Variants in MAU2 observed in about 807,000 individuals in gnomAD.
MAU2 encodes the protein MAU2 sister chromatid cohesion factor, also known as MAU2 chromatid cohesion factor homolog.
Under a neutral mutation model 89.1 loss-of-function variants are expected in MAU2, and 9 were observed. That is an observed-to-expected ratio of 0.10 (90% CI 0.06 to 0.18). The LOEUF (loss-of-function observed/expected upper bound fraction) is 0.18, where lower values mean the gene tolerates loss of function less well. Ranked by LOEUF, MAU2 falls within the 10% of genes least tolerant of loss-of-function variation. The pLI is 1.00. For missense variants in MAU2, 425 were observed against 803.5 expected, an observed-to-expected ratio of 0.53 and a Z score of 5.69; for synonymous variants, 357 against 343.4, an observed-to-expected ratio of 1.04 and a Z score of -0.44.
At chr19:19,346,728 A>G (rs888282805) in intron 12 of MAU2, 1 of 153,712 alleles carries the variant, frequency 6.5e-6, no homozygotes, top group African/African-American at 2.4e-5. Flanking sequence ...GAACGATCTC[A>G]TTTGCCAAGA....
intron 1 of MAU2, among the ~76,000 whole-genome samples, chr19:19,333,657 C>T (rs1413162150): frequency 2.0e-5 from 3 of 152,198 alleles, no homozygotes; most frequent in Admixed American, 6.5e-5. Context: ...TGTGGGCTGT[C>T]GTCAGCTCTG....
rs376584191 is a variant in MAU2 at position 19,328,939 on chromosome 19, T to C, written c.277-6779T>C. 383 of 417,824 alleles carry C rather than the reference T, an allele frequency of 9.2e-4. 4 individuals are homozygous for C. Among genetic ancestry groups the C allele is most frequent in the Middle Eastern group, 7.7e-3 (21 of 2,738 alleles). 25.9% of individuals were successfully genotyped at this position (417,824 alleles called of 1,614,324 possible). ...GCTTGCTTTCTCTGTGTCAATGCCATGCGTGCTTTCTCTGTGGTTGGAACA... is the reference window on the plus strand; with the variant it reads ...GCTTGCTTTCTCTGTGTCAATGCCACGCGTGCTTTCTCTGTGGTTGGAACA... On this transcript the variant is annotated intron_variant, in intron 1 of 18. Coordinates refer to ENST00000262815, the MANE Select transcript of MAU2 (RefSeq NM_015329.4).
chr19:19,326,692 A>G, intron 1 of MAU2, among the ~76,000 whole-genome samples: 1 of 121,208 alleles, frequency 8.3e-6, no homozygotes, highest in South Asian at 2.6e-4. Context: ...TCAAAAAAAA[A>G]TATATATATG....
intron 1 of MAU2, among the ~76,000 whole-genome samples, chr19:19,326,409 G>A (rs184098731): frequency 1.1e-4 from 16 of 151,708 alleles, no homozygotes; most frequent in African/African-American, 2.7e-4. Context: ...AAATATAGCC[G>A]GGCGCGGTGG....
intron 10 of MAU2, 161 bp from the exon 11 acceptor site, chr19:19,344,688 G>T (rs2061679827): frequency 1.6e-6 from 1 of 643,624 alleles, no homozygotes. Context: ...GATCTGGGCT[G>T]CCCTTTGCCC....
At chr19:19,346,951 G>A (rs1599920810) in intron 12 of MAU2, 1 of 258,222 alleles carries the variant, frequency 3.9e-6, no homozygotes, top group East Asian at 9.2e-5. Flanking sequence ...GTTGCTGGCT[G>A]TGGCCTGGAG....
intron 5 of MAU2, among the ~76,000 whole-genome samples, chr19:19,339,148 AC>A (rs768047163): frequency 6.6e-6 from 1 of 152,186 alleles, no homozygotes; most frequent in Non-Finnish European, 1.5e-5. Context: ...CCCCATCTCC[AC>A]AAAAAATACA....
intron 18 of MAU2, 158 bp downstream of exon 18, chr19:19,355,549 C>A: frequency 1.6e-6 from 2 of 1,232,966 alleles, no homozygotes; most frequent in Non-Finnish European, 2.3e-6. Flanking sequence ...CACCCCCACC[C>A]AAGCAAGGGA....
chr19:19,338,964 C>T (rs988029302), intron 5 of MAU2, 25 bp downstream of exon 5: 1 of 1,582,508 alleles, frequency 6.3e-7, no homozygotes, highest in Non-Finnish European at 8.6e-7. Context: ...CCCTCCTTCC[C>T]TCCTGCTCTG....
intron 16 of MAU2, chr19:19,353,796 G>A (rs910350775): frequency 6.1e-6 from 1 of 164,700 alleles, no homozygotes. Context: ...CTCTTACTGA[G>A]CTCTTCCTGC....
rs987113422 is a variant in MAU2 at position 19,334,217 on chromosome 19, G to A, written c.277-1501G>A. ...TCACCTCTGGGGCCACACTTCTGAC[G>A]GCAGGTGCTGGCCCCGCCACTCTGA... On this transcript the variant is annotated intron_variant, in intron 1 of 18. Transcript: ENST00000262815. 108 of 985,108 alleles carry A rather than the reference G, an allele frequency of 1.1e-4. 1 individual carries two copies. The highest frequency in any genetic ancestry group is 1.2e-4 in the Admixed American group (2 of 16,244). The allele number at this position is 985,108 out of a possible 1,614,324, so 61.0% of individuals were successfully genotyped here.
intron 16 of MAU2, among the ~76,000 whole-genome samples, chr19:19,350,256 G>A (rs1203512112): frequency 5.7e-5 from 8 of 140,086 alleles, no homozygotes; most frequent in African/African-American, 1.9e-4. Flanking sequence ...AGATCATGCC[G>A]CTGCACTCCA....
chr19:19,323,558 G>C (rs1160398213), intron 1 of MAU2, among the ~76,000 whole-genome samples: 1 of 152,070 alleles, frequency 6.6e-6, no homozygotes, highest in Non-Finnish European at 1.5e-5. Context: ...CCCGGCTGGG[G>C]TGCACTGGCG....
intron 16 of MAU2, 127 bp downstream of exon 16, chr19:19,349,563 G>A: frequency 1.3e-6 from 1 of 798,684 alleles, no homozygotes; most frequent in Non-Finnish European, 2.0e-6. Context: ...GCACGTCTAG[G>A]TGGATGCCCT....
chr19:19,334,487 C>T (rs2061580636), intron 1 of MAU2: 1 of 985,906 alleles, frequency 1.0e-6, no homozygotes, highest in African/African-American at 1.7e-5. Context: ...CTAGAGATCT[C>T]CAGCCCCAAG....
chr19:19,323,335 C>T (rs960243135), intron 1 of MAU2, among the ~76,000 whole-genome samples: 4 of 151,980 alleles, frequency 2.6e-5, no homozygotes, highest in Non-Finnish European at 5.9e-5. Flanking sequence ...GCTGGGATTA[C>T]AGGCTTGCAC....
In MAU2 at chr19:19,356,436, G is replaced by C. The variant is rs1449838320; in HGVS notation, c.*654G>C. ...ACCGGACTCGCCATCCCGCCGTGGGGGTGCAGGTGATTGTAAACACGGGTG... is the reference window on the plus strand; with the variant it reads ...ACCGGACTCGCCATCCCGCCGTGGGCGTGCAGGTGATTGTAAACACGGGTG... On this transcript the variant is annotated 3_prime_UTR_variant, in exon 19 of 19. Transcript: ENST00000262815. 1 of 260,830 alleles carries C rather than the reference G, an allele frequency of 3.8e-6. No homozygotes were observed. The highest frequency in any genetic ancestry group is 7.6e-6 in the Non-Finnish European group (1 of 130,744). The allele number at this position is 260,830 out of a possible 1,614,324, so 16.2% of individuals were successfully genotyped here.
intron 2 of MAU2, 101 bp downstream of exon 2, chr19:19,335,836 G>A: frequency 7.2e-7 from 1 of 1,385,482 alleles, no homozygotes; most frequent in Non-Finnish European, 1.0e-6. Context: ...TGCCCTGTGA[G>A]TTGAGGCTCG....
Position 19,349,305 on chromosome 19 carries a change from G to T in MAU2, c.1437-20G>T, listed in dbSNP as rs762722732. 6.2e-6 allele frequency: 10 copies of T among 1,613,792 alleles called. No homozygotes were observed. The highest frequency in any genetic ancestry group is 1.7e-5 in the Admixed American group (1 of 60,002). Reference sequence around the variant, plus strand: ...CAGGCCCCGTCCTGCAGTTATCAGCGTCCATGTTCTCCTTGTCAGGCGATT... The same window carrying T: ...CAGGCCCCGTCCTGCAGTTATCAGCTTCCATGTTCTCCTTGTCAGGCGATT... On this transcript the variant is annotated intron_variant, in intron 15 of 18. Coordinates refer to ENST00000262815, the MANE Select transcript of MAU2 (RefSeq NM_015329.4).
Sources: gnomAD v4.1 joint callset for allele counts (sites outside exome capture counted in the v4.1 genomes callset) on GRCh38, gnomAD v4.1.1 for gene constraint, MANE v1.5 for transcripts, NCBI Gene and HGNC (gene_info 2026-07-23, HGNC 2026-07-21) for gene names.